Variants in SRCIN1 observed in about 807,000 individuals in gnomAD.
The protein encoded by SRCIN1 is SRC kinase signaling inhibitor 1, also known as P130Cas-associated protein.
In SRCIN1, 50 loss-of-function variants were observed where a neutral mutation model predicts 116.2. That is an observed-to-expected ratio of 0.43 (90% CI 0.34 to 0.54). The LOEUF (loss-of-function observed/expected upper bound fraction) is 0.54. SRCIN1 is among the 20% of genes least tolerant of loss of function. The probability of loss-of-function intolerance (pLI) is 0.02; values close to 1 mark genes in which losing one functional copy is unlikely to be tolerated. For missense variants in SRCIN1, 1,446 were observed against 1,672.0 expected (o/e 0.86, Z 2.36); for synonymous variants, 736 against 750.0 (o/e 0.98, Z 0.30).
intron 1 of SRCIN1, among the ~76,000 whole-genome samples, chr17:38,581,368 T>C (rs1191195884): frequency 4.3e-5 from 6 of 140,118 alleles, no homozygotes; most frequent in Non-Finnish European, 9.0e-5. Context: ...ATTACGCCAC[T>C]GCACTCCAGC....
At chr17:38,555,617 A>C (rs1278874696) in intron 11 of SRCIN1, among the ~76,000 whole-genome samples, 2 of 152,244 alleles carry the variant, frequency 1.3e-5, no homozygotes, top group Non-Finnish European at 2.9e-5. Flanking sequence ...ATATTCAAAG[A>C]GATTAACTAG....
rs1228893935 is a variant in SRCIN1, at chr17:38,544,320, G to A, written c.3271-351C>T. On this transcript the variant is annotated intron_variant, in intron 17 of 18. Coordinates refer to ENST00000617146, the MANE Select transcript of SRCIN1 (RefSeq NM_025248.3). This position sits in a 1 kb window ranked among gnomAD's most constrained non-coding sequence, Gnocchi z 4.5. ...GCAGCAACCCCACTCCCGGCAAGGG[G>A]CACCATCTGGACCTGGGTGCACATG... 6.6e-6 allele frequency among the ~76,000 whole-genome samples: 1 copy of A among 152,084 alleles called. No homozygotes were observed. Among genetic ancestry groups the A allele is most frequent in the African/African-American group, 2.4e-5 (1 of 41,434 alleles).
intron 18 of SRCIN1, among the ~76,000 whole-genome samples, chr17:38,538,309 A>G (rs1322109766): frequency 6.4e-5 from 9 of 140,650 alleles, no homozygotes; most frequent in African/African-American, 2.4e-4. Flanking sequence ...CCCAGCTACT[A>G]GGGAGGCTGA....
At chr17:38,551,648 A>C (rs1023684766) in intron 14 of SRCIN1, 1 of 669,572 alleles carries the variant, frequency 1.5e-6, no homozygotes, top group African/African-American at 1.8e-5. Flanking sequence ...CACTGACTAC[A>C]TAGTCTATTC....
At chr17:38,564,354 AC>A (rs1193305484) in intron 3 of SRCIN1, 41 bp from the exon 4 acceptor site, 32 of 1,222,628 alleles carry the variant, frequency 2.6e-5, no homozygotes, top group Admixed American at 2.4e-4. Flanking sequence ...AAGGATGAGC[AC>A]CCCCCCTCCC....
intron 1 of SRCIN1, among the ~76,000 whole-genome samples, chr17:38,593,317 T>TG: frequency 1.3e-5 from 2 of 152,062 alleles, no homozygotes; most frequent in East Asian, 3.9e-4. Flanking sequence ...GGAACAGGGT[T>TG]GGGGAGGAAG....
Position 38,558,466 on chromosome 17 carries a change from C to G in SRCIN1, c.2026-64G>C. 1 of 1,521,500 alleles carries G rather than the reference C, an allele frequency of 6.6e-7. No homozygotes were observed. 94.2% of individuals were successfully genotyped at this position (1,521,500 alleles called of 1,614,324 possible). ...GCGGAGCCGCGAGGCAGGGGAAGGG[C>G]CGGGAGAAGGCGGGTAGAGGACTGC... On this transcript the variant is annotated intron_variant, in intron 10 of 18. Coordinates refer to ENST00000617146, the MANE Select transcript of SRCIN1 (RefSeq NM_025248.3). The surrounding 1 kb of genome is among the most constrained non-coding windows in gnomAD (Gnocchi z 4.6).
rs752314912 is a variant in SRCIN1 at position 38,549,257 on chromosome 17, G to C, written c.2963-47C>G. On this transcript the variant is annotated intron_variant, in intron 15 of 18. Transcript: ENST00000617146. ...GGGTCAGCAGGCCTGCAACCTTGGA[G>C]TCAGTGCACTACATCTAACTTGAAG... is the stretch of plus-strand genomic sequence containing the variant. The C allele has an allele frequency of 6.1e-6, 9 of 1,480,054 alleles. No individual in the cohort carries two copies. The Admixed American group carries it at 1.4e-4, about 23-fold the overall frequency. The allele number at this position is 1,480,054 out of a possible 1,614,324, so 91.7% of individuals were successfully genotyped here.
chr17:38,569,991 C>G (rs73304434), intron 2 of SRCIN1, among the ~76,000 whole-genome samples: 2,714 of 152,228 alleles, frequency 0.018, 86 homozygotes, highest in African/African-American at 0.061. Flanking sequence ...GAGAAGGCCT[C>G]AAGTCCCTTA....
In SRCIN1 at chr17:38,570,285, C is replaced by T. The variant is rs141142143; in HGVS notation, c.325-2054G>A. 4.6e-3 allele frequency among the ~76,000 whole-genome samples: 700 copies of T among 152,332 alleles called. 6 individuals are homozygous for T. The highest frequency in any genetic ancestry group is 7.1e-3 in the Admixed American group (108 of 15,310). On this transcript the variant is annotated intron_variant, in intron 2 of 18. Coordinates refer to ENST00000617146, the MANE Select transcript of SRCIN1 (RefSeq NM_025248.3). ...AACGTGTTTGGCTCCCGCCAGACCC[C>T]TGCCTCGCTTACACACACTCACAAG...
At position 38,604,620 on chromosome 17, in the gene SRCIN1, G is replaced by A. The variant is rs1430529972; in HGVS notation, c.22+1064C>T. On this transcript the variant is annotated intron_variant, in intron 1 of 18. Transcript: ENST00000617146. This position sits in a 1 kb window ranked among gnomAD's most constrained non-coding sequence, Gnocchi z 4.3. ...GGCTGCATGGGGACGCGTGGGGCTG[G>A]GGGACGAGCACCAGCAGCCGCACAC... 1 of 433,220 alleles carries A rather than the reference G, an allele frequency of 2.3e-6. No homozygotes were observed. Among genetic ancestry groups the A allele is most frequent in the East Asian group, 7.6e-5 (1 of 13,162 alleles). 26.8% of individuals were successfully genotyped at this position (433,220 alleles called of 1,614,324 possible).
chr17:38,531,242 T>A lies in SRCIN1; in HGVS notation c.*2055A>T, dbSNP rs1001371156. 1 of 149,006 alleles carries A rather than the reference T, an allele frequency of 6.7e-6. No individual in the cohort carries two copies. The highest frequency in any genetic ancestry group is 1.5e-5 in the Non-Finnish European group (1 of 67,208). The allele number at this position is 149,006 out of a possible 1,614,324, so 9.2% of individuals were successfully genotyped here. A position where few individuals can be genotyped will look rare whatever the true frequency, so the allele number is the denominator to read the frequency against. On this transcript the variant is annotated 3_prime_UTR_variant, in exon 19 of 19. Coordinates refer to ENST00000617146, the MANE Select transcript of SRCIN1 (RefSeq NM_025248.3). ...GAGTGGAGGGAGGAGGGGGCACCAC[T>A]CCCCCCTCCCCTCCCAAGTCAGGGG...
chr17:38,605,581 G>GCCGCCC (rs890847663), intron 1 of SRCIN1, 103 bp downstream of exon 1: 5 of 953,774 alleles, frequency 5.2e-6, no homozygotes, highest in African/African-American at 1.8e-5. Context: ...CGGCCCGGCC[G>GCCGCCC]CCGCCCCCGC....
At chr17:38,606,844 G>A (rs999434240), upstream of SRCIN1, among the ~76,000 whole-genome samples, 46 of 152,188 alleles carry the variant, frequency 3.0e-4, no homozygotes, top group African/African-American at 1.1e-3. This position sits in a 1 kb window ranked among gnomAD's most constrained non-coding sequence, Gnocchi z 5.2. Flanking sequence ...GATTCCAGCG[G>A]CCCCCTCCCT....
chr17:38,555,051 A>T (rs762437108), intron 11 of SRCIN1, among the ~76,000 whole-genome samples: 1 of 152,234 alleles, frequency 6.6e-6, no homozygotes, highest in Non-Finnish European at 1.5e-5. Flanking sequence ...TTAAAGAGCT[A>T]TCCTGTATTA....
In SRCIN1 at chr17:38,532,381, A is replaced by G. The variant is rs2040934107; in HGVS notation, c.*916T>C. On this transcript the variant is annotated 3_prime_UTR_variant, in exon 19 of 19. Coordinates refer to ENST00000617146, the MANE Select transcript of SRCIN1 (RefSeq NM_025248.3). The surrounding 1 kb of genome is among the most constrained non-coding windows in gnomAD (Gnocchi z 4.3). ...TAGGCCCCTCACTCTTGCCCACCCC[A>G]TCCCCATTCAATAAGTTAATGCCAT... is the stretch of plus-strand genomic sequence containing the variant. The G allele has an allele frequency of 6.6e-6, 1 of 152,046 alleles. No homozygotes were observed. Among genetic ancestry groups the G allele is most frequent in the Non-Finnish European group, 1.5e-5 (1 of 67,986 alleles). 9.4% of individuals were successfully genotyped at this position (152,046 alleles called of 1,614,324 possible). A position where few individuals can be genotyped will look rare whatever the true frequency, so the allele number is the denominator to read the frequency against.
At chr17:38,592,183 T>A (rs916531900) in intron 1 of SRCIN1, among the ~76,000 whole-genome samples, 2 of 152,220 alleles carry the variant, frequency 1.3e-5, no homozygotes, top group Non-Finnish European at 2.9e-5. Flanking sequence ...CTAATTCTGG[T>A]GTCTCATCAG....
rs374878561 is a variant in SRCIN1 at position 38,533,112 on chromosome 17, AC to A, written c.*184del. The A allele has an allele frequency of 7.7e-4, 366 of 476,556 alleles. 1 individual carries two copies. The highest frequency in any genetic ancestry group is 1.1e-3 in the South Asian group (11 of 10,464). The allele number at this position is 476,556 out of a possible 1,614,324, so 29.5% of individuals were successfully genotyped here. ...TTAATTGTTAAAAAAAAAAAAAAAAACAAAACCAAAAACACCAACAGATGAT... is the reference window on the plus strand; with the variant it reads ...TTAATTGTTAAAAAAAAAAAAAAAAAAAAACCAAAAACACCAACAGATGAT... On this transcript the variant is annotated 3_prime_UTR_variant, in exon 19 of 19. Coordinates refer to ENST00000617146, the MANE Select transcript of SRCIN1 (RefSeq NM_025248.3).
chr17:38,540,484 AG>A (rs997777061), intron 18 of SRCIN1, among the ~76,000 whole-genome samples: 1 of 148,752 alleles, frequency 6.7e-6, no homozygotes, highest in Non-Finnish European at 1.5e-5. Context: ...ATGTGAGCTC[AG>A]GACCAGGCTG....
Sources: allele counts gnomAD v4.1 joint callset (sites outside exome capture counted in the v4.1 genomes callset), GRCh38; gene constraint gnomAD v4.1.1; non-coding constraint Gnocchi (gnomAD v3.1); transcripts MANE v1.5; gene names NCBI Gene and HGNC (gene_info 2026-07-23, HGNC 2026-07-21).